SH3BGRL: variants seen among roughly 807,000 people sequenced by gnomAD.
SH3BGRL encodes SH3 domain binding glutamate rich protein like, also known as adapter SH3BGRL.
Under a neutral mutation model 9.8 loss-of-function variants are expected in SH3BGRL, and 7 were observed. The observed-to-expected ratio is 0.72, with a 90% CI of 0.41 to 1.35. The LOEUF (loss-of-function observed/expected upper bound fraction) is 1.35. Ranked by LOEUF, SH3BGRL falls within the 40% of genes most tolerant of loss-of-function variation. The probability of loss-of-function intolerance (pLI) is 0.01; values close to 1 mark genes in which losing one functional copy is unlikely to be tolerated. For missense variants in SH3BGRL, 73 were observed against 84.4 expected, an observed-to-expected ratio of 0.86 and a Z score of 0.53; for synonymous variants, 36 against 29.1, an observed-to-expected ratio of 1.24 and a Z score of -0.76.
At chrX:81,202,617 G>C (rs1226726943) in intron 1 of SH3BGRL, 11 of 751,487 alleles carry the variant, frequency 1.5e-5, no homozygotes, top group Non-Finnish European at 1.7e-5. Context: ...TACGCCCTAA[G>C]TACTGAGACA....
intron 1 of SH3BGRL, among the ~76,000 whole-genome samples, chrX:81,208,108 A>G (rs1019407240): frequency 1.1e-4 from 12 of 110,695 alleles, no homozygotes; most frequent in African/African-American, 3.9e-4. Context: ...TACAAAAACA[A>G]AAAAATAGCC....
At chrX:81,283,046 T>G (rs2075822822) in intron 3 of SH3BGRL, among the ~76,000 whole-genome samples, 1 of 111,728 alleles carries the variant, frequency 9.0e-6, no homozygotes, top group East Asian at 2.8e-4. Flanking sequence ...AACACCTCTA[T>G]GCGCATAAAC....
chrX:81,245,339 A>G (rs1409943722), intron 1 of SH3BGRL, among the ~76,000 whole-genome samples: 3 of 111,968 alleles, frequency 2.7e-5, no homozygotes, highest in African/African-American at 9.7e-5. Flanking sequence ...GTTACCTAGT[A>G]GCAACAAGAC....
intron 1 of SH3BGRL, among the ~76,000 whole-genome samples, chrX:81,226,133 C>G (rs2075615912): frequency 9.0e-6 from 1 of 111,163 alleles, no homozygotes; most frequent in Non-Finnish European, 1.9e-5. Context: ...TTAGACAACT[C>G]TAGTTAGTAC....
rs146183045 is a variant in SH3BGRL, at chrX:81,247,354, T to G, written c.46-29630T>G. 3.6e-3 allele frequency among the ~76,000 whole-genome samples: 403 copies of G among 111,883 alleles called. 1 individual carries two copies. Among genetic ancestry groups the G allele is most frequent in the African/African-American group, 0.013 (386 of 30,779 alleles). On this transcript the variant is annotated intron_variant, in intron 1 of 3. Transcript: ENST00000373212. ...CTTCCAGTACTATGTTGAAAAGGAG[T>G]GATGACAGTGGGCATCCTTGTCTTA...
intron 1 of SH3BGRL, among the ~76,000 whole-genome samples, chrX:81,211,313 G>C (rs757001726): frequency 8.9e-6 from 1 of 111,975 alleles, no homozygotes; most frequent in East Asian, 2.8e-4. Context: ...GGCCGGGCGC[G>C]GTGGCTCACG....
intron 3 of SH3BGRL, among the ~76,000 whole-genome samples, chrX:81,291,294 C>A (rs991134246): frequency 9.0e-6 from 1 of 111,092 alleles, no homozygotes; most frequent in African/African-American, 3.3e-5. Context: ...GCAGACATGG[C>A]TTGGGAGGCC....
intron 1 of SH3BGRL, among the ~76,000 whole-genome samples, chrX:81,230,490 TAAG>T (rs758826287): frequency 1.1e-3 from 118 of 111,498 alleles, no homozygotes; most frequent in South Asian, 6.7e-3. Context: ...CCAAAGGAAA[TAAG>T]AAGGAAACAG....
At chrX:81,242,152 C>A (rs939505353) in intron 1 of SH3BGRL, among the ~76,000 whole-genome samples, 5 of 112,193 alleles carry the variant, frequency 4.5e-5, no homozygotes, top group Non-Finnish European at 7.5e-5. Context: ...CCAAGAATCC[C>A]ATGACAAAAT....
chrX:81,241,635 C>A (rs2075670086), intron 1 of SH3BGRL, among the ~76,000 whole-genome samples: 1 of 111,860 alleles, frequency 8.9e-6, no homozygotes, highest in Non-Finnish European at 1.9e-5. Flanking sequence ...CATCTCCTGG[C>A]TGAAACATGC....
chrX:81,212,032 T>A (rs1274372966), intron 1 of SH3BGRL, among the ~76,000 whole-genome samples: 4 of 111,166 alleles, frequency 3.6e-5, no homozygotes, highest in Non-Finnish European at 5.7e-5. Flanking sequence ...TTCAGGTAAA[T>A]AATTTTAACT....
chrX:81,215,873 A>T (rs890610772), intron 1 of SH3BGRL, among the ~76,000 whole-genome samples: 1 of 111,831 alleles, frequency 8.9e-6, no homozygotes, highest in Non-Finnish European at 1.9e-5. Flanking sequence ...ACATTCCACA[A>T]AGACATTACT....
At chrX:81,239,969 A>G (rs897444640) in intron 1 of SH3BGRL, among the ~76,000 whole-genome samples, 2 of 112,253 alleles carry the variant, frequency 1.8e-5, no homozygotes, top group African/African-American at 6.5e-5. Context: ...GACAAACAAA[A>G]GCTGAGGGTT....
chrX:81,220,546 C>T (rs980404816), intron 1 of SH3BGRL, among the ~76,000 whole-genome samples: 1 of 109,852 alleles, frequency 9.1e-6, no homozygotes, highest in African/African-American at 3.3e-5. Flanking sequence ...CCATTCTTTA[C>T]ATCTTTTCAA....
Position 81,297,732 on chromosome X carries a change from A to G in SH3BGRL, c.*505A>G, listed in dbSNP as rs1405186150. On this transcript the variant is annotated 3_prime_UTR_variant, in exon 4 of 4. Coordinates refer to ENST00000373212, the MANE Select transcript of SH3BGRL (RefSeq NM_003022.3). ...GATATGTTAAACGTTGTAATTTCCT[A>G]TCGTAATTATAACATTCCCATTCTT... 8.9e-6 allele frequency: 1 copy of G among 112,164 alleles called. No homozygotes were observed. The highest frequency in any genetic ancestry group is 1.9e-5 in the Non-Finnish European group (1 of 53,078). 9.2% of individuals were successfully genotyped at this position (112,164 alleles called of 1,213,427 possible).
intron 1 of SH3BGRL, among the ~76,000 whole-genome samples, chrX:81,204,867 C>T (rs1012897889): frequency 8.9e-5 from 10 of 112,267 alleles, no homozygotes; most frequent in African/African-American, 2.9e-4. Context: ...TGAAGAGTAG[C>T]ACTTGCTTCT....
intron 1 of SH3BGRL, among the ~76,000 whole-genome samples, chrX:81,270,614 G>C (rs897280247): frequency 3.6e-5 from 4 of 111,676 alleles, no homozygotes; most frequent in African/African-American, 1.3e-4. Flanking sequence ...TCCCACAGGG[G>C]CACCCACCTG....
chrX:81,266,692 G>GT (rs1257425141), intron 1 of SH3BGRL, among the ~76,000 whole-genome samples: 1 of 111,642 alleles, frequency 9.0e-6, no homozygotes, highest in African/African-American at 3.3e-5. Flanking sequence ...TATGCGGGCT[G>GT]TTTTTTGGTT....
At chrX:81,296,096 G>GC (rs901909347) in intron 3 of SH3BGRL, among the ~76,000 whole-genome samples, 1 of 111,685 alleles carries the variant, frequency 9.0e-6, no homozygotes, top group African/African-American at 3.3e-5. Flanking sequence ...GGCTGAGGAG[G>GC]CCTCAGGAAA....
Sources: gnomAD v4.1 joint callset for allele counts (sites outside exome capture counted in the v4.1 genomes callset) on GRCh38, gnomAD v4.1.1 for gene constraint, MANE v1.5 for transcripts, NCBI Gene and HGNC (gene_info 2026-07-23, HGNC 2026-07-21) for gene names.